The following HLTF variants were observed in gnomAD, a reference collection of about 807,000 sequenced individuals.
HLTF encodes DNA-dependent ATPase/E3 ubiquitin-protein ligase HLTF.
In HLTF, 127 loss-of-function variants were observed where a neutral mutation model predicts 129.4. That is an observed-to-expected ratio of 0.98 (90% CI 0.85 to 1.14). The LOEUF (loss-of-function observed/expected upper bound fraction) is 1.14, where lower values mean the gene tolerates loss of function less well. HLTF is among the 50% of genes most tolerant of loss of function. The pLI, the probability that HLTF is intolerant of heterozygous loss-of-function variation, is 0.00. For missense variants in HLTF, 1,139 were observed against 1,187.1 expected (o/e 0.96, Z 0.60); for synonymous variants, 332 against 388.8 (o/e 0.85, Z 1.72).
At chr3:149,042,639 C>T (rs1217139941) in intron 18 of HLTF, among the ~76,000 whole-genome samples, 9 of 152,008 alleles carry the variant, frequency 5.9e-5, no homozygotes, top group Non-Finnish European at 1.2e-4. Flanking sequence ...AGGGTGCATG[C>T]TTGGTGACTT....
At chr3:149,034,263 T>C (rs964831876) in intron 24 of HLTF, among the ~76,000 whole-genome samples, 1 of 152,188 alleles carries the variant, frequency 6.6e-6, no homozygotes, top group Non-Finnish European at 1.5e-5. Flanking sequence ...AAGAATTACT[T>C]GCATCTATGT....
At chr3:149,080,394 T>G (rs1227656240) in intron 2 of HLTF, among the ~76,000 whole-genome samples, 1 of 125,552 alleles carries the variant, frequency 8.0e-6, no homozygotes, top group Non-Finnish European at 1.6e-5. Context: ...AGAAAGCTGC[T>G]TCAAACCTCT....
chr3:149,071,715 A>AT, intron 5 of HLTF, 58 bp from the exon 6 acceptor site: 2 of 1,054,610 alleles, frequency 1.9e-6, no homozygotes, highest in East Asian at 5.0e-5. Flanking sequence ...TAATACTTGC[A>AT]TTTAAGTCAG....
intron 22 of HLTF, 25 bp from the exon 23 acceptor site, chr3:149,039,254 A>C (rs1444668154): frequency 1.4e-6 from 2 of 1,445,252 alleles, no homozygotes; most frequent in East Asian, 2.4e-5. Context: ...AAAAGAGACA[A>C]GTAACAAACA....
chr3:149,081,741 T>C (rs1453033590), intron 2 of HLTF, among the ~76,000 whole-genome samples: 2 of 152,048 alleles, frequency 1.3e-5, no homozygotes, highest in Non-Finnish European at 2.9e-5. Context: ...GAGTAAAGGG[T>C]ACTGAAATTT....
At chr3:149,081,647 T>C (rs754554950) in intron 2 of HLTF, among the ~76,000 whole-genome samples, 36 of 151,954 alleles carry the variant, frequency 2.4e-4, no homozygotes, top group Admixed American at 4.6e-4. Flanking sequence ...TTTTAAAAAG[T>C]TTAATGGAGC....
chr3:149,072,495 T>C (rs1402367879), intron 5 of HLTF, among the ~76,000 whole-genome samples: 2 of 152,370 alleles, frequency 1.3e-5, no homozygotes, highest in African/African-American at 4.8e-5. Flanking sequence ...CTAACTTAAT[T>C]GACTATTTAA....
intron 2 of HLTF, among the ~76,000 whole-genome samples, chr3:149,080,101 T>C (rs1253413287): frequency 2.6e-5 from 4 of 152,062 alleles, no homozygotes; most frequent in Admixed American, 2.0e-4. Context: ...ATGCCACATA[T>C]TGTATCATTT....
At chr3:149,064,222 C>G (rs1184526905) in intron 9 of HLTF, among the ~76,000 whole-genome samples, 1 of 152,102 alleles carries the variant, frequency 6.6e-6, no homozygotes, top group African/African-American at 2.4e-5. Context: ...TACCCTAACT[C>G]GCCACCTTTC....
chr3:149,058,531 T>C (rs777202145), intron 13 of HLTF, among the ~76,000 whole-genome samples: 1 of 152,250 alleles, frequency 6.6e-6, no homozygotes, highest in Non-Finnish European at 1.5e-5. Context: ...TAGTCTAGAA[T>C]TGAACCTTTT....
At chr3:149,032,917 T>G (rs1313254310) in intron 24 of HLTF, among the ~76,000 whole-genome samples, 1 of 143,542 alleles carries the variant, frequency 7.0e-6, no homozygotes, top group African/African-American at 2.7e-5. Context: ...AAGCCGACAT[T>G]GCGCCACTGC....
chr3:149,071,337 A>G lies in HLTF; in HGVS notation c.809T>C (p.Leu270Ser). 3 of 1,612,454 alleles carry G rather than the reference A, an allele frequency of 1.9e-6. No individual in the cohort carries two copies. Among genetic ancestry groups the G allele is most frequent in the Non-Finnish European group, 2.5e-6 (3 of 1,178,478 alleles). ...AAAATTTGTTATTGTGTTATAGTAT[A>G]AGTCATTTCGCTGTTCCCAGAATGG... ...LPPFWEQRND[L>S]YYNTITNFSE... Residue 270 changes from leucine (L) to serine (S), a missense_variant, in exon 7 of 25, where the codon TTA (leucine) becomes TCA (serine). Physicochemically the swap from Leu to Ser is moderately radical, Grantham distance 145. Coordinates refer to ENST00000310053, the MANE Select transcript of HLTF (RefSeq NM_003071.4).
chr3:149,081,984 G>A (rs1203139923), intron 2 of HLTF, among the ~76,000 whole-genome samples: 1 of 152,112 alleles, frequency 6.6e-6, no homozygotes, highest in African/African-American at 2.4e-5. Context: ...ACAATTCTAT[G>A]GGAATAAGTT....
chr3:149,056,249 T>A (rs1162933832), intron 13 of HLTF, among the ~76,000 whole-genome samples: 1 of 152,232 alleles, frequency 6.6e-6, no homozygotes, highest in African/African-American at 2.4e-5. Context: ...AGTTTTAGGA[T>A]AATTTGTTAC....
intron 21 of HLTF, 28 bp downstream of exon 21, chr3:149,040,003 C>T (rs769424998): frequency 5.7e-6 from 9 of 1,584,272 alleles, no homozygotes; most frequent in South Asian, 4.6e-5. Context: ...AAAACAAATA[C>T]TCAAATATTT....
intron 14 of HLTF, among the ~76,000 whole-genome samples, chr3:149,052,612 T>G (rs372819037): frequency 8.8e-4 from 134 of 152,142 alleles, no homozygotes; most frequent in African/African-American, 3.1e-3. Flanking sequence ...CTGTAGTGAG[T>G]GGAAGCAAAA....
Position 149,048,153 on chromosome 3 carries a change from G to C in HLTF, c.1767C>G (p.Ile589Met). 6.2e-7 allele frequency: 1 copy of C among 1,605,860 alleles called. No homozygotes were observed. Among genetic ancestry groups the C allele is most frequent in the South Asian group, 1.1e-5 (1 of 89,512 alleles). The change falls in exon 17 of 25, where the codon ATC becomes ATG. Residue 589 changes from isoleucine to methionine, a missense_variant. Physicochemically the swap from Ile to Met is conservative, Grantham distance 10 (BLOSUM62 1). Transcript: ENST00000310053. The stretch of plus-strand genomic sequence containing the variant: ...ACCACAAGTCCTTTAAAGAATTCTG[G>C]ATTGGAGTACCTAGAAATAACAGGA... Reference protein sequence around the residue: ...ERRWVLTGTPIQNSLKDLWSL... With the variant: ...ERRWVLTGTPMQNSLKDLWSL...
chr3:149,060,854 T>C lies in HLTF; in HGVS notation c.1165A>G (p.Lys389Glu). Residue 389 changes from lysine to glutamate, a missense_variant, in exon 11 of 25, where the codon AAA (lysine) becomes GAA (glutamate). Coordinates refer to ENST00000310053, the MANE Select transcript of HLTF (RefSeq NM_003071.4). ...CTTTCTATGTACTGGACAGCAGTTT[T>C]TCTTCTAAAATTAAGTATACACAAA... ...ELSSSRPKRR[K>E]TAVQYIESSD... 1.2e-6 allele frequency: 2 copies of C among 1,609,228 alleles called. No homozygotes were observed. The highest frequency in any genetic ancestry group is 1.7e-6 in the Non-Finnish European group (2 of 1,177,166).
chr3:149,069,875 T>G (rs1183414873), intron 7 of HLTF, among the ~76,000 whole-genome samples: 1 of 152,236 alleles, frequency 6.6e-6, no homozygotes, highest in Non-Finnish European at 1.5e-5. Context: ...ATGAACATAG[T>G]GCCTTCCCAA....
Sources: gnomAD v4.1 joint callset for allele counts (sites outside exome capture counted in the v4.1 genomes callset) on GRCh38, gnomAD v4.1.1 for gene constraint, MANE v1.5 for transcripts, NCBI Gene and HGNC (gene_info 2026-07-23, HGNC 2026-07-21) for gene names.